Variants in ARHGAP20 observed in about 807,000 individuals in gnomAD.
ARHGAP20 encodes the protein rho GTPase-activating protein 20.
ARHGAP20 carries 34 observed loss-of-function variants against 73.7 expected under a neutral mutation model. That is an observed-to-expected ratio of 0.46 (90% CI 0.35 to 0.61). The LOEUF is 0.61. ARHGAP20 is among the 20% of genes least tolerant of loss of function. The pLI, the probability that ARHGAP20 is intolerant of heterozygous loss-of-function variation, is 0.00. For missense variants in ARHGAP20, 1,314 were observed against 1,420.9 expected (o/e 0.92, Z 1.21); for synonymous variants, 523 against 518.2 (o/e 1.01, Z -0.13).
chr11:110,592,120 T>G lies in ARHGAP20; in HGVS notation c.1000A>C (p.Ile334Leu). 1 of 1,614,166 alleles carries G rather than the reference T, an allele frequency of 6.2e-7. No individual in the cohort carries two copies. Among genetic ancestry groups the G allele is most frequent in the Non-Finnish European group, 8.5e-7 (1 of 1,179,986 alleles). Residue 334 changes from isoleucine (I) to leucine (L), a missense_variant, in exon 10 of 15, where the codon ATC becomes CTC. Ile to Leu is a conservative substitution (Grantham distance 5, BLOSUM62 2). Coordinates refer to ENST00000683387, the MANE Select transcript of ARHGAP20 (RefSeq NM_001384657.1). ...GHKTFKRRRS[I>L]INWAFWRGSS... ...CCTCGCCAGAAGGCCCAGTTTATGA[T>G]AGATCTTCTCCTTTTAAATGTCTTA... is the stretch of plus-strand genomic sequence containing the variant.
chr11:110,622,444 TG>T (rs1469441565), intron 4 of ARHGAP20, among the ~76,000 whole-genome samples: 1 of 152,224 alleles, frequency 6.6e-6, no homozygotes, highest in African/African-American at 2.4e-5. Flanking sequence ...GGACTCTAAA[TG>T]TTATTCTTTT....
intron 2 of ARHGAP20, among the ~76,000 whole-genome samples, chr11:110,675,399 A>G (rs748638260): frequency 6.6e-5 from 10 of 152,172 alleles, no homozygotes; most frequent in Non-Finnish European, 1.3e-4. Context: ...AGAACATTAT[A>G]TCATCCGTTG....
chr11:110,639,711 C>T lies in ARHGAP20; in HGVS notation c.189-8919G>A, dbSNP rs192031174. Among the ~76,000 whole-genome samples the T allele has an allele frequency of 5.2e-3, 784 of 152,034 alleles. 8 individuals are homozygous for T. The highest frequency in any genetic ancestry group is 6.8e-3 in the Middle Eastern group (2 of 294). ...ATATCTATCCTTTCATGTATGGTTT[C>T]TTTCCATTAGCATAAGGTATTCAAG... On this transcript the variant is annotated intron_variant, in intron 2 of 14. Coordinates refer to ENST00000683387, the MANE Select transcript of ARHGAP20 (RefSeq NM_001384657.1).
At chr11:110,689,808 C>T (rs1021937907) in intron 2 of ARHGAP20, among the ~76,000 whole-genome samples, 1 of 152,092 alleles carries the variant, frequency 6.6e-6, no homozygotes, top group African/African-American at 2.4e-5. Flanking sequence ...AGTGAGATCC[C>T]AGAAGTATGC....
At chr11:110,669,515 CTT>C (rs542534195) in intron 2 of ARHGAP20, among the ~76,000 whole-genome samples, 4 of 151,652 alleles carry the variant, frequency 2.6e-5, no homozygotes, top group African/African-American at 9.7e-5. Context: ...TGAACTGGCT[CTT>C]TTTTTAAAGA....
intron 3 of ARHGAP20, among the ~76,000 whole-genome samples, chr11:110,628,801 C>CAATCAAAAT (rs1948801253): frequency 6.6e-6 from 1 of 151,942 alleles, no homozygotes; most frequent in Non-Finnish European, 1.5e-5. Context: ...GAGAAAGGGA[C>CAATCAAAAT]AATCAAAATA....
At chr11:110,594,660 CA>C (rs1350154600) in intron 9 of ARHGAP20, among the ~76,000 whole-genome samples, 1 of 151,940 alleles carries the variant, frequency 6.6e-6, no homozygotes, top group Non-Finnish European at 1.5e-5. Flanking sequence ...AAGGACCAAC[CA>C]AAAAAAGTTC....
chr11:110,648,484 A>ATTT (rs34339794), intron 2 of ARHGAP20, among the ~76,000 whole-genome samples: 2 of 131,480 alleles, frequency 1.5e-5, no homozygotes, highest in African/African-American at 2.8e-5. Context: ...CATAACATGA[A>ATTT]TTTTTTTTTT....
chr11:110,689,506 C>CA lies in ARHGAP20; in HGVS notation c.188+1040dup, dbSNP rs560305289. Among the ~76,000 whole-genome samples, 252 of 151,778 alleles carry CA rather than the reference C, an allele frequency of 1.7e-3. 1 individual carries two copies. Among genetic ancestry groups the CA allele is most frequent in the African/African-American group, 5.6e-3 (230 of 41,384 alleles). ...AATAAATTAATGAATATTTGAATTTCAAAAAAATTAACGAATAAATTAATG... is the reference window on the plus strand; with the variant it reads ...AATAAATTAATGAATATTTGAATTTCAAAAAAAATTAACGAATAAATTAATG... On this transcript the variant is annotated intron_variant, in intron 2 of 14. Coordinates refer to ENST00000683387, the MANE Select transcript of ARHGAP20 (RefSeq NM_001384657.1).
At position 110,577,741 on chromosome 11, in the gene ARHGAP20, A is replaced by C. The variant is rs1947325636; in HGVS notation, c.*1629T>G. 3.0e-6 allele frequency: 3 copies of C among 985,912 alleles called. No individual in the cohort carries two copies. The highest frequency in any genetic ancestry group is 3.6e-6 in the Non-Finnish European group (3 of 829,958). 61.1% of individuals were successfully genotyped at this position (985,912 alleles called of 1,614,324 possible). ...CTCTTTGGATACAGAGTTCTAAAAGATCATTGTAATGGTTAGCGCAAACAG... is the reference window on the plus strand; with the variant it reads ...CTCTTTGGATACAGAGTTCTAAAAGCTCATTGTAATGGTTAGCGCAAACAG... On this transcript the variant is annotated 3_prime_UTR_variant, in exon 15 of 15. Coordinates refer to ENST00000683387, the MANE Select transcript of ARHGAP20 (RefSeq NM_001384657.1).
chr11:110,676,308 A>T (rs958501842), intron 2 of ARHGAP20, among the ~76,000 whole-genome samples: 4 of 152,220 alleles, frequency 2.6e-5, no homozygotes, highest in Admixed American at 6.5e-5. Flanking sequence ...GTTGCTAATA[A>T]AGACATACCT....
intron 1 of ARHGAP20, among the ~76,000 whole-genome samples, chr11:110,711,005 C>CAA (rs11461759): frequency 0.069 from 5,709 of 82,444 alleles, 505 homozygotes; most frequent in African/African-American, 0.2. Flanking sequence ...TAAGACAAGG[C>CAA]AAAAAAAAAA....
At chr11:110,663,511 T>C (rs1949659748) in intron 2 of ARHGAP20, among the ~76,000 whole-genome samples, 2 of 151,600 alleles carry the variant, frequency 1.3e-5, no homozygotes, top group African/African-American at 4.8e-5. Flanking sequence ...ATGGAAAAAA[T>C]ATCCTTGAAC....
intron 2 of ARHGAP20, among the ~76,000 whole-genome samples, chr11:110,689,730 C>T (rs1950205826): frequency 6.6e-6 from 1 of 152,078 alleles, no homozygotes; most frequent in African/African-American, 2.4e-5. Context: ...TAATTGGTCA[C>T]AGCTGGCACC....
chr11:110,701,709 G>A (rs1297719211), intron 1 of ARHGAP20, among the ~76,000 whole-genome samples: 2 of 152,100 alleles, frequency 1.3e-5, no homozygotes, highest in Non-Finnish European at 2.9e-5. Flanking sequence ...GGTTTTTATG[G>A]TTTTAGGTCT....
chr11:110,700,803 T>C (rs1039454916), intron 1 of ARHGAP20, among the ~76,000 whole-genome samples: 5 of 141,914 alleles, frequency 3.5e-5, no homozygotes, highest in African/African-American at 5.2e-5. Flanking sequence ...TGTGTTCTCA[T>C]TGTTCAATTC....
At chr11:110,681,683 C>T (rs947790485) in intron 2 of ARHGAP20, among the ~76,000 whole-genome samples, 1 of 152,118 alleles carries the variant, frequency 6.6e-6, no homozygotes, top group Non-Finnish European at 1.5e-5. Flanking sequence ...ATGAGGAATT[C>T]GTAGAACACA....
chr11:110,630,354 T>C (rs1027463688), intron 3 of ARHGAP20, among the ~76,000 whole-genome samples: 1 of 152,218 alleles, frequency 6.6e-6, no homozygotes, highest in African/African-American at 2.4e-5. Context: ...CATTAGAATA[T>C]AAGCTCCCAA....
intron 1 of ARHGAP20, among the ~76,000 whole-genome samples, chr11:110,696,165 C>T (rs376293780): frequency 6.6e-6 from 1 of 151,524 alleles, no homozygotes; most frequent in African/African-American, 2.4e-5. Flanking sequence ...TTTGGGGAGA[C>T]AGCAGAATTG....
Sources: allele counts gnomAD v4.1 joint callset (sites outside exome capture counted in the v4.1 genomes callset), GRCh38; gene constraint gnomAD v4.1.1; transcripts MANE v1.5; gene names NCBI Gene and HGNC (gene_info 2026-07-23, HGNC 2026-07-21).